The following IL1RAPL1 variants were observed in gnomAD, a reference collection of about 807,000 sequenced individuals.
The protein encoded by IL1RAPL1 is interleukin 1 receptor accessory protein like 1.
Under a neutral mutation model 48.4 loss-of-function variants are expected in IL1RAPL1, and 3 were observed. The ratio of observed to expected loss-of-function variants is 0.06; its 90% CI spans 0.03 to 0.16. The LOEUF (loss-of-function observed/expected upper bound fraction) is 0.16. Among genes scored for constraint, IL1RAPL1 ranks in the 10% least tolerant of loss-of-function variants. The pLI, the probability that IL1RAPL1 is intolerant of heterozygous loss-of-function variation, is 1.00. For missense variants in IL1RAPL1, 349 were observed against 530.6 expected, an observed-to-expected ratio of 0.66 and a Z score of 3.36; for synonymous variants, 185 against 187.7, an observed-to-expected ratio of 0.99 and a Z score of 0.12.
intron 1 of IL1RAPL1, among the ~76,000 whole-genome samples, chrX:28,650,993 G>A (rs986554461): frequency 3.6e-5 from 4 of 111,792 alleles, no homozygotes; most frequent in Admixed American, 9.5e-5. Context: ...CTTCATAAGC[G>A]GATAATTCCA....
At chrX:29,045,230 G>T (rs1926928746) in intron 2 of IL1RAPL1, among the ~76,000 whole-genome samples, 1 of 111,671 alleles carries the variant, frequency 9.0e-6, no homozygotes, top group Non-Finnish European at 1.9e-5. Context: ...AGAAGCAAAA[G>T]ATTTGTTTTA....
At chrX:29,107,601 TA>T (rs1270606059) in intron 2 of IL1RAPL1, among the ~76,000 whole-genome samples, 1 of 111,155 alleles carries the variant, frequency 9.0e-6, no homozygotes, top group Admixed American at 9.6e-5. Context: ...CTTTGCCCAT[TA>T]AAAAAAATAT....
intron 2 of IL1RAPL1, among the ~76,000 whole-genome samples, chrX:28,829,471 GT>G (rs1300586244): frequency 9.1e-6 from 1 of 110,389 alleles, no homozygotes; most frequent in African/African-American, 3.3e-5. Context: ...GTTAGTTATG[GT>G]TTTATCATAG....
intron 10 of IL1RAPL1, 143 bp from the exon 11 acceptor site, chrX:29,954,959 A>T (rs1933390203): frequency 1.8e-6 from 1 of 564,390 alleles, no homozygotes; most frequent in East Asian, 3.3e-5. Flanking sequence ...GGGAAAAAAA[A>T]ATATTGCTGA....
intron 1 of IL1RAPL1, among the ~76,000 whole-genome samples, chrX:28,648,025 C>T (rs1934635349): frequency 9.0e-6 from 1 of 111,688 alleles, no homozygotes; most frequent in South Asian, 3.8e-4. Context: ...CCCTTGTCTC[C>T]TCACTGACTT....
chrX:29,829,403 T>G (rs1470208286), intron 6 of IL1RAPL1, among the ~76,000 whole-genome samples: 2 of 111,262 alleles, frequency 1.8e-5, no homozygotes. Context: ...TGCCTGCCCC[T>G]ATGCTTGACT....
At chrX:29,672,087 G>T (rs544264820) in intron 6 of IL1RAPL1, among the ~76,000 whole-genome samples, 1 of 111,532 alleles carries the variant, frequency 9.0e-6, no homozygotes, top group Non-Finnish European at 1.9e-5. Context: ...TTTAATGGCC[G>T]ATGTGAATGT....
chrX:29,658,155 C>T (rs1282429972), intron 5 of IL1RAPL1, among the ~76,000 whole-genome samples: 5 of 111,373 alleles, frequency 4.5e-5, no homozygotes, highest in African/African-American at 1.6e-4. Context: ...TACATCTAGT[C>T]GTACTCTCTT....
intron 2 of IL1RAPL1, among the ~76,000 whole-genome samples, chrX:28,959,448 T>C (rs1445443616): frequency 2.7e-5 from 3 of 111,936 alleles, no homozygotes; most frequent in Non-Finnish European, 5.6e-5. Context: ...TACTCTCCAG[T>C]ATAAGAGAGT....
intron 2 of IL1RAPL1, among the ~76,000 whole-genome samples, chrX:29,246,326 G>A (rs1380594662): frequency 9.1e-6 from 1 of 109,721 alleles, no homozygotes; most frequent in Non-Finnish European, 1.9e-5. Flanking sequence ...ACTAACAGTG[G>A]AAAAGTCTTA....
chrX:29,686,847 C>T (rs370365131), intron 6 of IL1RAPL1, among the ~76,000 whole-genome samples: 8 of 110,506 alleles, frequency 7.2e-5, no homozygotes, highest in African/African-American at 2.6e-4. Flanking sequence ...CATGAGCCAC[C>T]GTGCCCAGCC....
At chrX:29,916,220 G>A (rs1247954591) in intron 6 of IL1RAPL1, among the ~76,000 whole-genome samples, 3 of 107,011 alleles carry the variant, frequency 2.8e-5, no homozygotes, top group African/African-American at 6.8e-5. Flanking sequence ...ACGTGTGCAT[G>A]TGTCTTTATA....
intron 2 of IL1RAPL1, among the ~76,000 whole-genome samples, chrX:28,903,184 A>G (rs760687065): frequency 9.1e-6 from 1 of 110,435 alleles, no homozygotes; most frequent in South Asian, 3.9e-4. Flanking sequence ...TAGTGGCGCT[A>G]TCTCGGCTCA....
intron 2 of IL1RAPL1, among the ~76,000 whole-genome samples, chrX:28,989,543 C>T (rs1187136969): frequency 8.9e-6 from 1 of 112,210 alleles, no homozygotes; most frequent in Admixed American, 9.5e-5. Flanking sequence ...TTAGAAAAGA[C>T]GTACACCTCT....
chrX:28,801,502 G>C (rs893812472), intron 2 of IL1RAPL1, among the ~76,000 whole-genome samples: 3 of 111,164 alleles, frequency 2.7e-5, no homozygotes, highest in African/African-American at 9.8e-5. Context: ...AATTTTCCAC[G>C]GTTAATCTTC....
intron 6 of IL1RAPL1, among the ~76,000 whole-genome samples, chrX:29,865,456 T>C (rs910115083): frequency 9.0e-6 from 1 of 110,734 alleles, no homozygotes; most frequent in Non-Finnish European, 1.9e-5. Context: ...ATGATAGCCT[T>C]TTTGTCTGTT....
chrX:29,631,922 T>A (rs1924788240), intron 5 of IL1RAPL1, among the ~76,000 whole-genome samples: 1 of 112,098 alleles, frequency 8.9e-6, no homozygotes, highest in Non-Finnish European at 1.9e-5. Flanking sequence ...GATTTAGTAT[T>A]AAGGGTCAGA....
chrX:28,643,489 C>T (rs1343533450), intron 1 of IL1RAPL1, among the ~76,000 whole-genome samples: 2 of 110,986 alleles, frequency 1.8e-5, no homozygotes, highest in African/African-American at 6.6e-5. Flanking sequence ...TACATAAGGG[C>T]ATGAATAGCA....
chrX:28,903,652 C>G (rs2147327788), intron 2 of IL1RAPL1, among the ~76,000 whole-genome samples: 1 of 110,174 alleles, frequency 9.1e-6, no homozygotes, highest in Non-Finnish European at 1.9e-5. Flanking sequence ...AATAGCTTAA[C>G]CAAATAAAGC....
Sources: gnomAD v4.1 joint callset for allele counts (sites outside exome capture counted in the v4.1 genomes callset) on GRCh38, gnomAD v4.1.1 for gene constraint, MANE v1.5 for transcripts, NCBI Gene and HGNC (gene_info 2026-07-23, HGNC 2026-07-21) for gene names.